The following BBS9 variants were observed in gnomAD, a reference collection of about 807,000 sequenced individuals.
The protein encoded by BBS9 is Bardet-Biedl syndrome 9.
A neutral mutation model predicts 117.7 loss-of-function variants in BBS9; 89 were observed. That is an observed-to-expected ratio of 0.76 (90% CI 0.64 to 0.90). The LOEUF is 0.90. Ranked by LOEUF, BBS9 falls within the 40% of genes least tolerant of loss-of-function variation. The probability of loss-of-function intolerance (pLI) is 0.00; values close to 1 mark genes in which losing one functional copy is unlikely to be tolerated. For missense variants in BBS9, 982 were observed against 1,042.2 expected (o/e 0.94, Z 0.80); for synonymous variants, 379 against 370.9 (o/e 1.02, Z -0.25).
chr7:33,327,933 G>A (rs1813181691), intron 9 of BBS9, among the ~76,000 whole-genome samples: 1 of 152,136 alleles, frequency 6.6e-6, no homozygotes, highest in East Asian at 1.9e-4. Context: ...GATGCAGGAG[G>A]GTAGCTTTGA....
downstream of BBS9, among the ~76,000 whole-genome samples, chr7:33,606,391 G>A (rs954679482): frequency 1.3e-5 from 2 of 152,138 alleles, no homozygotes; most frequent in Non-Finnish European, 2.9e-5. Flanking sequence ...TCTTCTCAAC[G>A]GCCTTGTGAT....
chr7:33,535,062 G>A (rs189076257), intron 21 of BBS9, among the ~76,000 whole-genome samples: 253 of 152,198 alleles, frequency 1.7e-3, no homozygotes, highest in African/African-American at 5.7e-3. Flanking sequence ...ATTCCTAGAA[G>A]TGAAAAGGAA....
At chr7:33,210,859 C>T (rs1787876090) in intron 5 of BBS9, among the ~76,000 whole-genome samples, 1 of 152,068 alleles carries the variant, frequency 6.6e-6, no homozygotes, top group Non-Finnish European at 1.5e-5. Flanking sequence ...CTGGGTGCTC[C>T]AGTGTTGAGT....
intron 21 of BBS9, among the ~76,000 whole-genome samples, chr7:33,597,017 G>A (rs1483996928): frequency 6.7e-6 from 1 of 149,874 alleles, no homozygotes; most frequent in East Asian, 2.0e-4. Context: ...ATTTATACAT[G>A]TCTATGTACC....
chr7:33,169,506 A>C (rs1411358559), intron 4 of BBS9, among the ~76,000 whole-genome samples: 3 of 150,664 alleles, frequency 2.0e-5, no homozygotes, highest in African/African-American at 7.3e-5. Flanking sequence ...TGCCATTCTA[A>C]CTGGTGTGAG....
At chr7:33,574,651 A>G (rs976482150) in intron 21 of BBS9, among the ~76,000 whole-genome samples, 1 of 151,142 alleles carries the variant, frequency 6.6e-6, no homozygotes, top group Non-Finnish European at 1.5e-5. Flanking sequence ...ACAGGGAAGA[A>G]TAAGTACTTC....
chr7:33,490,084 A>G (rs762589316), intron 19 of BBS9, among the ~76,000 whole-genome samples: 2 of 152,212 alleles, frequency 1.3e-5, no homozygotes, highest in Non-Finnish European at 2.9e-5. Flanking sequence ...TAAGTGAACT[A>G]GAAAGTGAGT....
At chr7:33,573,848 C>G (rs1328532933) in intron 21 of BBS9, among the ~76,000 whole-genome samples, 1 of 152,016 alleles carries the variant, frequency 6.6e-6, no homozygotes, top group East Asian at 1.9e-4. Context: ...ACATTAACTC[C>G]TAAATAATAA....
intron 19 of BBS9, among the ~76,000 whole-genome samples, chr7:33,403,575 T>C (rs1425820933): frequency 6.0e-5 from 9 of 150,648 alleles, no homozygotes; most frequent in Non-Finnish European, 1.3e-4. Flanking sequence ...GTTTGGTTTT[T>C]TGTCCTTGCG....
At chr7:33,139,379 CTTTT>C (rs1170920923) in intron 1 of BBS9, among the ~76,000 whole-genome samples, 1 of 150,830 alleles carries the variant, frequency 6.6e-6, no homozygotes, top group South Asian at 2.1e-4. Context: ...TCTTTTGATT[CTTTT>C]TTTGTCTTTT....
chr7:33,208,201 A>G (rs1787324940), intron 5 of BBS9, among the ~76,000 whole-genome samples: 1 of 152,182 alleles, frequency 6.6e-6, no homozygotes, highest in Non-Finnish European at 1.5e-5. Flanking sequence ...CCTATTCAGT[A>G]TTTATATGTT....
At chr7:33,345,113 A>T (rs1316593457) in intron 12 of BBS9, among the ~76,000 whole-genome samples, 1 of 152,194 alleles carries the variant, frequency 6.6e-6, no homozygotes, top group African/African-American at 2.4e-5. Flanking sequence ...CTTAACTTTA[A>T]GTGGATGTAT....
intron 21 of BBS9, among the ~76,000 whole-genome samples, chr7:33,571,298 A>G (rs1857742506): frequency 6.6e-6 from 1 of 152,140 alleles, no homozygotes; most frequent in African/African-American, 2.4e-5. Context: ...TTTATAATTT[A>G]GGTATGTGTT....
chr7:33,325,276 T>A (rs2128593423), intron 9 of BBS9, among the ~76,000 whole-genome samples: 1 of 152,358 alleles, frequency 6.6e-6, no homozygotes, highest in Admixed American at 6.5e-5. Context: ...CTCTGATGCA[T>A]TCTTCATTAT....
intron 19 of BBS9, among the ~76,000 whole-genome samples, chr7:33,466,989 TATTC>T (rs760086164): frequency 1.3e-5 from 2 of 148,690 alleles, no homozygotes; most frequent in Non-Finnish European, 3.0e-5. Context: ...CATTCATTCA[TATTC>T]ATTCATTCAT....
chr7:33,173,571 TAAA>T (rs3083580), intron 4 of BBS9, among the ~76,000 whole-genome samples: 2 of 120,206 alleles, frequency 1.7e-5, no homozygotes, highest in African/African-American at 3.3e-5. Context: ...GACTCCATCC[TAAA>T]AAAAAAAAAA....
chr7:33,331,911 C>G (rs900787796), intron 9 of BBS9, among the ~76,000 whole-genome samples: 3 of 152,092 alleles, frequency 2.0e-5, no homozygotes, highest in Non-Finnish European at 4.4e-5. Context: ...CAATTCCCAT[C>G]AAAATACCGT....
At chr7:33,327,843 G>A (rs538022140) in intron 9 of BBS9, among the ~76,000 whole-genome samples, 1 of 152,286 alleles carries the variant, frequency 6.6e-6, no homozygotes, top group African/African-American at 2.4e-5. Flanking sequence ...AGAAAAGGGA[G>A]GGGGAGTCAA....
intron 6 of BBS9, among the ~76,000 whole-genome samples, chr7:33,261,188 A>G (rs769521466): frequency 6.6e-6 from 1 of 151,808 alleles, no homozygotes; most frequent in Non-Finnish European, 1.5e-5. Context: ...CCTGACCTAG[A>G]TGTAACCAAC....
Sources: allele counts gnomAD v4.1 joint callset (sites outside exome capture counted in the v4.1 genomes callset), GRCh38; gene constraint gnomAD v4.1.1; transcripts MANE v1.5; gene names NCBI Gene and HGNC (gene_info 2026-07-23, HGNC 2026-07-21).